Variants in PACS1 observed in about 807,000 individuals in gnomAD.
PACS1 encodes the protein PACS-1.
In PACS1, 24 loss-of-function variants were observed where a neutral mutation model predicts 115.0. The ratio of observed to expected loss-of-function variants is 0.21; its 90% CI spans 0.15 to 0.29. The LOEUF is 0.29. Ranked by LOEUF, PACS1 falls within the 10% of genes least tolerant of loss-of-function variation. The pLI is 1.00. For synonymous variants in PACS1, 453 were observed against 504.5 expected (o/e 0.90, Z 1.37); for missense variants, 838 against 1,251.2 (o/e 0.67, Z 4.98).
At chr11:66,240,376 G>A (rs1855788357) in intron 21 of PACS1, among the ~76,000 whole-genome samples, 1 of 152,178 alleles carries the variant, frequency 6.6e-6, no homozygotes, top group Non-Finnish European at 1.5e-5. Flanking sequence ...GTCAGCGCTG[G>A]GAAGGAGCAG....
intron 2 of PACS1, among the ~76,000 whole-genome samples, chr11:66,194,330 A>G (rs201986514): frequency 6.6e-6 from 1 of 152,196 alleles, no homozygotes; most frequent in East Asian, 1.9e-4. Context: ...TTGGCAATTT[A>G]AAGTTTACTG....
intron 2 of PACS1, among the ~76,000 whole-genome samples, chr11:66,206,009 A>C (rs1034088333): frequency 6.6e-6 from 1 of 152,126 alleles, no homozygotes; most frequent in Non-Finnish European, 1.5e-5. Context: ...TTAGCCCGGC[A>C]TTTTGGCACA....
At chr11:66,232,752 CA>C (rs1243682617) in intron 14 of PACS1, among the ~76,000 whole-genome samples, 2 of 152,110 alleles carry the variant, frequency 1.3e-5, no homozygotes, top group Non-Finnish European at 2.9e-5. Context: ...TAAGGCTTCC[CA>C]TCTCTCACAC....
chr11:66,172,486 G>T (rs917540934), intron 1 of PACS1, among the ~76,000 whole-genome samples: 1 of 152,152 alleles, frequency 6.6e-6, no homozygotes, highest in African/African-American at 2.4e-5. Context: ...ATTCCATGTG[G>T]AGAGGAACTG....
intron 19 of PACS1, chr11:66,238,198 C>A (rs1855742012): frequency 1.0e-6 from 1 of 985,188 alleles, no homozygotes; most frequent in African/African-American, 1.7e-5. Context: ...CTTCCAGATT[C>A]CAGGAAGACC....
At chr11:66,082,130 TTAA>T (rs1349963551) in intron 1 of PACS1, among the ~76,000 whole-genome samples, 1 of 152,260 alleles carries the variant, frequency 6.6e-6, no homozygotes, top group African/African-American at 2.4e-5. Context: ...AATCTGGATC[TTAA>T]TGATGAATGG....
chr11:66,235,231 C>A lies in PACS1; in HGVS notation c.2105-70C>A. On this transcript the variant is annotated intron_variant, in intron 17 of 23. Transcript: ENST00000320580. The surrounding 1 kb of genome is among the most constrained non-coding windows in gnomAD (Gnocchi z 5.6). ...TGACGGGTCTCAGGAAGGGATCCCT[C>A]TCCGAGAGGGTCTGCAGGTTTGCCA... is the stretch of plus-strand genomic sequence containing the variant. The A allele has an allele frequency of 8.7e-7, 1 of 1,144,280 alleles. No homozygotes were observed. Among genetic ancestry groups the A allele is most frequent in the Non-Finnish European group, 1.3e-6 (1 of 756,434 alleles). The allele number at this position is 1,144,280 out of a possible 1,614,324, so 70.9% of individuals were successfully genotyped here.
intron 1 of PACS1, among the ~76,000 whole-genome samples, chr11:66,116,396 A>G (rs1448618342): frequency 6.6e-6 from 1 of 152,232 alleles, no homozygotes; most frequent in Non-Finnish European, 1.5e-5. Context: ...GTAAATACGA[A>G]GTATTACATA....
At chr11:66,163,105 TTGGGA>T in intron 1 of PACS1, among the ~76,000 whole-genome samples, 1 of 152,118 alleles carries the variant, frequency 6.6e-6, no homozygotes, top group East Asian at 1.9e-4. Context: ...TCCCAGAACT[TTGGGA>T]GACCGAGGTG....
chr11:66,182,808 A>C (rs1438328701), intron 1 of PACS1, among the ~76,000 whole-genome samples: 2 of 152,136 alleles, frequency 1.3e-5, no homozygotes, highest in African/African-American at 4.8e-5. Flanking sequence ...TTTGCTTTTG[A>C]AAAATCTGCT....
chr11:66,238,718 C>T, intron 19 of PACS1, 86 bp from the exon 20 acceptor site: 15 of 1,225,878 alleles, frequency 1.2e-5, no homozygotes, highest in Non-Finnish European at 1.8e-5. Context: ...AGTGATGGCT[C>T]TTGTGCCACC....
intron 1 of PACS1, among the ~76,000 whole-genome samples, chr11:66,117,252 G>A (rs891131566): frequency 5.9e-5 from 9 of 151,976 alleles, no homozygotes; most frequent in Non-Finnish European, 1.2e-4. Context: ...CTTGAGGTCA[G>A]GAGTTTGAAG....
chr11:66,072,448 ACTAG>A (rs977050967), intron 1 of PACS1, among the ~76,000 whole-genome samples: 2 of 152,090 alleles, frequency 1.3e-5, no homozygotes, highest in African/African-American at 4.8e-5. Context: ...CTGGGACTTC[ACTAG>A]GCAAAAGTAG....
At chr11:66,087,263 CAG>C (rs1344715427) in intron 1 of PACS1, among the ~76,000 whole-genome samples, 1 of 150,750 alleles carries the variant, frequency 6.6e-6, no homozygotes, top group African/African-American at 2.5e-5. Flanking sequence ...TTTTTTGAGA[CAG>C]AGTCTTGCTC....
intron 9 of PACS1, 69 bp from the exon 10 acceptor site, chr11:66,221,085 C>T: frequency 7.0e-7 from 1 of 1,430,336 alleles, no homozygotes. Flanking sequence ...ATGCCAGCTC[C>T]ATTCAACTCT....
chr11:66,141,830 G>A (rs1435976729), intron 1 of PACS1, among the ~76,000 whole-genome samples: 3 of 151,584 alleles, frequency 2.0e-5, no homozygotes, highest in African/African-American at 4.8e-5. Flanking sequence ...TTTTTGAGAC[G>A]GAATCTCACT....
chr11:66,146,079 AT>A (rs577229658), intron 1 of PACS1, among the ~76,000 whole-genome samples: 79 of 152,256 alleles, frequency 5.2e-4, no homozygotes, highest in African/African-American at 1.9e-3. Flanking sequence ...TATGTCTGTA[AT>A]TTATTATGGT....
At chr11:66,153,203 G>A (rs772653370) in intron 1 of PACS1, among the ~76,000 whole-genome samples, 1 of 152,078 alleles carries the variant, frequency 6.6e-6, no homozygotes, top group Non-Finnish European at 1.5e-5. Flanking sequence ...CAATTATGGT[G>A]CACTATAGCC....
chr11:66,194,947 G>GA (rs1329791357), intron 2 of PACS1, among the ~76,000 whole-genome samples: 1,587 of 152,270 alleles, frequency 0.01, 30 homozygotes, highest in African/African-American at 0.035. Flanking sequence ...ATGTTGGGCC[G>GA]GGCACTGTGG....
Sources: allele counts gnomAD v4.1 joint callset (sites outside exome capture counted in the v4.1 genomes callset), GRCh38; gene constraint gnomAD v4.1.1; non-coding constraint Gnocchi (gnomAD v3.1); transcripts MANE v1.5; gene names NCBI Gene and HGNC (gene_info 2026-07-23, HGNC 2026-07-21).